The following ZRANB3 variants were observed in gnomAD, a reference collection of about 807,000 sequenced individuals.
ZRANB3 encodes the protein DNA annealing helicase and endonuclease ZRANB3.
ZRANB3 carries 125 observed loss-of-function variants against 133.8 expected under a neutral mutation model. That is an observed-to-expected ratio of 0.93 (90% CI 0.81 to 1.08). ZRANB3 has a LOEUF of 1.08. Ranked by LOEUF, ZRANB3 falls within the 50% of genes least tolerant of loss-of-function variation. The pLI, the probability that ZRANB3 is intolerant of heterozygous loss-of-function variation, is 0.00. For missense variants in ZRANB3, 1,229 were observed against 1,275.5 expected, an observed-to-expected ratio of 0.96 and a Z score of 0.56; for synonymous variants, 387 against 432.7, an observed-to-expected ratio of 0.89 and a Z score of 1.31.
At chr2:135,311,089 G>GAT (rs538323837) in intron 8 of ZRANB3, among the ~76,000 whole-genome samples, 80 of 151,932 alleles carry the variant, frequency 5.3e-4, no homozygotes, top group Middle Eastern at 3.4e-3. Context: ...ATTTGTAAAA[G>GAT]ATATATATAT....
At chr2:135,278,697 CTAATAAAA>C (rs1479552938) in intron 8 of ZRANB3, among the ~76,000 whole-genome samples, 3 of 151,926 alleles carry the variant, frequency 2.0e-5, no homozygotes, top group Non-Finnish European at 2.9e-5. Context: ...ACACAGAAAA[CTAATAAAA>C]GAAGAAAAGA....
intron 2 of ZRANB3, among the ~76,000 whole-genome samples, chr2:135,448,628 T>C (rs917667193): frequency 2.0e-5 from 3 of 152,196 alleles, no homozygotes; most frequent in East Asian, 1.9e-4. Flanking sequence ...AAGGAATTAA[T>C]GTATTAGTCT....
intron 3 of ZRANB3, among the ~76,000 whole-genome samples, chr2:135,383,617 G>A (rs1025170925): frequency 2.6e-5 from 4 of 152,144 alleles, no homozygotes; most frequent in Admixed American, 2.6e-4. Context: ...CTCAGCAAAT[G>A]TAAAGGAACA....
At chr2:135,470,062 C>T (rs1416659820) in intron 2 of ZRANB3, among the ~76,000 whole-genome samples, 8 of 150,368 alleles carry the variant, frequency 5.3e-5, no homozygotes, top group African/African-American at 1.7e-4. Context: ...CGGTGATTCA[C>T]GCCTGTAATC....
At chr2:135,276,473 A>G (rs1456055526) in intron 8 of ZRANB3, among the ~76,000 whole-genome samples, 1 of 152,184 alleles carries the variant, frequency 6.6e-6, no homozygotes, top group African/African-American at 2.4e-5. Flanking sequence ...GTTCAGATTA[A>G]CAGGTAACTT....
At chr2:135,246,869 T>C (rs185823552) in intron 12 of ZRANB3, among the ~76,000 whole-genome samples, 1 of 152,360 alleles carries the variant, frequency 6.6e-6, no homozygotes, top group Admixed American at 6.5e-5. Flanking sequence ...CTTTTTGCCC[T>C]GTTTTTCACC....
At chr2:135,450,556 C>T (rs1032927672) in intron 2 of ZRANB3, among the ~76,000 whole-genome samples, 9 of 152,068 alleles carry the variant, frequency 5.9e-5, no homozygotes, top group Non-Finnish European at 1.3e-4. Flanking sequence ...TTTTACGAGA[C>T]TCTTAAAACT....
chr2:135,355,473 TGCCTCA>T (rs1350018996), intron 3 of ZRANB3, among the ~76,000 whole-genome samples: 1 of 151,868 alleles, frequency 6.6e-6, no homozygotes. Context: ...GCCATTATCC[TGCCTCA>T]GCCTCTGGAG....
chr2:135,484,533 A>G (rs1201797173), intron 2 of ZRANB3, among the ~76,000 whole-genome samples: 1 of 152,024 alleles, frequency 6.6e-6, no homozygotes, highest in Admixed American at 6.6e-5. Context: ...AAATTAGGCA[A>G]TGTATCTAAC....
chr2:135,515,617 G>A (rs1193624136), intron 1 of ZRANB3, among the ~76,000 whole-genome samples: 1 of 152,148 alleles, frequency 6.6e-6, no homozygotes, highest in Non-Finnish European at 1.5e-5. Flanking sequence ...TTAATCCTGA[G>A]TTCTAATTTG....
intron 3 of ZRANB3, among the ~76,000 whole-genome samples, chr2:135,380,740 C>T (rs1686650701): frequency 6.6e-6 from 1 of 152,150 alleles, no homozygotes; most frequent in Non-Finnish European, 1.5e-5. Flanking sequence ...ACGCTAACAT[C>T]ACAAGCAAAA....
chr2:135,487,870 A>C (rs1045984830), intron 2 of ZRANB3, among the ~76,000 whole-genome samples: 2 of 152,204 alleles, frequency 1.3e-5, no homozygotes, highest in South Asian at 4.1e-4. Flanking sequence ...ATACTGGAGG[A>C]GTACATTTAA....
chr2:135,207,121 C>T (rs571384198), intron 19 of ZRANB3, among the ~76,000 whole-genome samples: 11 of 151,606 alleles, frequency 7.3e-5, no homozygotes, highest in South Asian at 2.1e-4. Context: ...GTTGAGATTG[C>T]GCCACTGCAC....
chr2:135,197,011 C>G lies in ZRANB3; in HGVS notation c.*3331G>C, dbSNP rs1483472411. 1.3e-5 allele frequency: 2 copies of G among 152,094 alleles called. No homozygotes were observed. The highest frequency in any genetic ancestry group is 2.9e-5 in the Non-Finnish European group (2 of 68,018). 9.4% of individuals were successfully genotyped at this position (152,094 alleles called of 1,614,324 possible). A position where few individuals can be genotyped will look rare whatever the true frequency, so the allele number is the denominator to read the frequency against. On this transcript the variant is annotated 3_prime_UTR_variant, in exon 21 of 21. Coordinates refer to ENST00000264159, the MANE Select transcript of ZRANB3 (RefSeq NM_032143.4). Reference sequence around the variant, plus strand: ...GTATTTTAATAACAGTGACATTTCTCAATGGTAATTATGAACACAACCAGG... The same window carrying G: ...GTATTTTAATAACAGTGACATTTCTGAATGGTAATTATGAACACAACCAGG...
rs180901961 is a variant in ZRANB3, at chr2:135,511,818, A to G, written c.-7-7322T>C. The G allele has an allele frequency of 5.4e-4, 414 of 760,774 alleles. 4 individuals are homozygous for G. The East Asian group carries it at 7.0e-3, about 13-fold the overall frequency. 47.1% of individuals were successfully genotyped at this position (760,774 alleles called of 1,614,324 possible). A position where few individuals can be genotyped will look rare whatever the true frequency, so the allele number is the denominator to read the frequency against. On this transcript the variant is annotated intron_variant, in intron 1 of 20. Transcript: ENST00000264159. ...GCTTTCTATTTGAATCCAATCCCCC[A>G]TGGACATAAGAAGAGTTCCTTCCAT... is the stretch of plus-strand genomic sequence containing the variant.
intron 2 of ZRANB3, among the ~76,000 whole-genome samples, chr2:135,398,739 G>A (rs1053212949): frequency 6.6e-6 from 1 of 151,004 alleles, no homozygotes; most frequent in African/African-American, 2.4e-5. Context: ...TAGCCAGGAT[G>A]GTCTCGATCT....
intron 6 of ZRANB3, 57 bp downstream of exon 6, chr2:135,345,493 A>G: frequency 8.2e-7 from 1 of 1,225,530 alleles, no homozygotes; most frequent in Admixed American, 2.2e-5. Context: ...TGATTAATAA[A>G]GCAATGTTCA....
At chr2:135,478,969 C>T (rs1016660601) in intron 2 of ZRANB3, among the ~76,000 whole-genome samples, 12 of 151,582 alleles carry the variant, frequency 7.9e-5, no homozygotes, top group African/African-American at 2.7e-4. Context: ...TACTGATATA[C>T]CTACAGGAAG....
At chr2:135,203,107 G>C in intron 19 of ZRANB3, 144 bp from the exon 20 acceptor site, 1 of 976,618 alleles carries the variant, frequency 1.0e-6, no homozygotes. Context: ...CTTTTATTGT[G>C]AGTAGAAAAA....
Sources: allele counts gnomAD v4.1 joint callset (sites outside exome capture counted in the v4.1 genomes callset), GRCh38; gene constraint gnomAD v4.1.1; transcripts MANE v1.5; gene names NCBI Gene and HGNC (gene_info 2026-07-23, HGNC 2026-07-21).